The following DCDC1 variants were observed in gnomAD, a reference collection of about 807,000 sequenced individuals.
DCDC1 encodes the protein doublecortin domain containing 1, also known as doublecortin domain-containing protein 1.
Under a neutral mutation model 178.3 loss-of-function variants are expected in DCDC1, and 200 were observed. That is an observed-to-expected ratio of 1.12 (90% CI 1.00 to 1.26). DCDC1 has a LOEUF of 1.26. Among genes scored for constraint, DCDC1 ranks in the 50% most tolerant of loss-of-function variants. DCDC1 has a pLI of 0.00. For missense variants in DCDC1, 1,983 were observed against 1,749.2 expected, an observed-to-expected ratio of 1.13 and a Z score of -2.38; for synonymous variants, 690 against 604.8, an observed-to-expected ratio of 1.14 and a Z score of -2.07.
chr11:30,886,351 A>G (rs1379309326), intron 36 of DCDC1, among the ~76,000 whole-genome samples: 1 of 152,146 alleles, frequency 6.6e-6, no homozygotes, highest in Non-Finnish European at 1.5e-5. Context: ...ATATGGTTTT[A>G]TTTTATTATT....
At chr11:31,070,486 A>T (rs1445654088) in intron 18 of DCDC1, among the ~76,000 whole-genome samples, 2 of 152,144 alleles carry the variant, frequency 1.3e-5, no homozygotes, top group African/African-American at 2.4e-5. Context: ...AACAAAGCCC[A>T]TCTCTAATCA....
At chr11:31,090,303 C>T (rs564298407) in intron 17 of DCDC1, among the ~76,000 whole-genome samples, 1 of 152,294 alleles carries the variant, frequency 6.6e-6, no homozygotes, top group Admixed American at 6.5e-5. Flanking sequence ...AATTGTCTGA[C>T]TGGACTTTAA....
chr11:31,368,360 A>T (rs1479766362), intron 1 of DCDC1, among the ~76,000 whole-genome samples: 2 of 152,242 alleles, frequency 1.3e-5, no homozygotes, highest in African/African-American at 4.8e-5. Context: ...AGGAAGAACC[A>T]AGCTGTGGAC....
At chr11:31,152,624 A>G (rs1177593376) in intron 9 of DCDC1, among the ~76,000 whole-genome samples, 3 of 152,192 alleles carry the variant, frequency 2.0e-5, no homozygotes, top group Non-Finnish European at 2.9e-5. Context: ...AAAACAGTGT[A>G]TTCACAGCTC....
intron 20 of DCDC1, among the ~76,000 whole-genome samples, chr11:31,015,238 G>C (rs925207307): frequency 6.6e-6 from 1 of 152,064 alleles, no homozygotes; most frequent in African/African-American, 2.4e-5. Context: ...TTCAGCCACC[G>C]TGCCAGGCCT....
At chr11:31,174,288 A>G (rs1386322617) in intron 9 of DCDC1, among the ~76,000 whole-genome samples, 1 of 152,132 alleles carries the variant, frequency 6.6e-6, no homozygotes, top group Non-Finnish European at 1.5e-5. Flanking sequence ...CCAATCTCAG[A>G]GCAGAGTTGA....
rs775289294 is a variant in DCDC1, at chr11:30,909,128, G to A, written c.3748-12C>T. 3.1e-6 allele frequency: 5 copies of A among 1,596,352 alleles called. No homozygotes were observed. In the East Asian group the frequency reaches 9.0e-5, roughly 29 times the overall value. On this transcript the variant is annotated splice_polypyrimidine_tract_variant and intron_variant, in intron 28 of 38. Transcript: ENST00000684477. ...TACGGCTTATATTTCTGAAAAAAGAGGCAAAATATGGAGTCAAGTGAGTTC... is the reference window on the plus strand; with the variant it reads ...TACGGCTTATATTTCTGAAAAAAGAAGCAAAATATGGAGTCAAGTGAGTTC...
chr11:31,166,576 T>C (rs924936851), intron 9 of DCDC1, among the ~76,000 whole-genome samples: 2 of 152,160 alleles, frequency 1.3e-5, no homozygotes. Flanking sequence ...GAAAAGATGC[T>C]GATCTAAGTA....
intron 38 of DCDC1, among the ~76,000 whole-genome samples, chr11:30,870,995 C>G (rs150636096): frequency 1.3e-3 from 194 of 152,340 alleles, no homozygotes; most frequent in Non-Finnish European, 2.0e-3. Context: ...TCAGTCTACA[C>G]TGTTCCTTAC....
At chr11:31,214,017 T>C (rs1348836316) in intron 9 of DCDC1, among the ~76,000 whole-genome samples, 1 of 152,160 alleles carries the variant, frequency 6.6e-6, no homozygotes, top group Non-Finnish European at 1.5e-5. Context: ...CATTTTATAA[T>C]TTATAAATTT....
intron 30 of DCDC1, among the ~76,000 whole-genome samples, chr11:30,905,977 A>G (rs1945032706): frequency 6.6e-6 from 1 of 152,188 alleles, no homozygotes; most frequent in Non-Finnish European, 1.5e-5. Flanking sequence ...GTAAGTTCCC[A>G]TAGTTTTTAC....
At chr11:31,297,809 T>C (rs970769777) in intron 6 of DCDC1, among the ~76,000 whole-genome samples, 2 of 152,194 alleles carry the variant, frequency 1.3e-5, no homozygotes, top group Non-Finnish European at 2.9e-5. Flanking sequence ...AAAGCAACCA[T>C]TTGTCTCTTA....
At chr11:31,300,685 G>T (rs1301901367) in intron 6 of DCDC1, among the ~76,000 whole-genome samples, 1 of 152,012 alleles carries the variant, frequency 6.6e-6, no homozygotes, top group African/African-American at 2.4e-5. Flanking sequence ...CACTCTGAAA[G>T]AATAACTATA....
chr11:31,001,829 A>C (rs1388056796), intron 20 of DCDC1, among the ~76,000 whole-genome samples: 1 of 152,196 alleles, frequency 6.6e-6, no homozygotes, highest in East Asian at 1.9e-4. Flanking sequence ...GCTCAGTGTA[A>C]GGTGGTTAGC....
At chr11:30,992,041 T>C (rs936784960) in intron 20 of DCDC1, among the ~76,000 whole-genome samples, 7 of 152,214 alleles carry the variant, frequency 4.6e-5, no homozygotes, top group African/African-American at 1.7e-4. Flanking sequence ...GTACGCTCCC[T>C]GTCTTTCTAA....
At chr11:31,012,436 A>T (rs1441881814) in intron 20 of DCDC1, among the ~76,000 whole-genome samples, 4 of 151,944 alleles carry the variant, frequency 2.6e-5, no homozygotes, top group Non-Finnish European at 5.9e-5. Flanking sequence ...CCTCATCTCT[A>T]CAAAATATAT....
At chr11:30,938,028 C>G (rs180805892) in intron 21 of DCDC1, among the ~76,000 whole-genome samples, 1 of 152,144 alleles carries the variant, frequency 6.6e-6, no homozygotes, top group Admixed American at 6.6e-5. Flanking sequence ...CCTCATTGCA[C>G]CCTTTCCCTG....
intron 9 of DCDC1, among the ~76,000 whole-genome samples, chr11:31,235,313 T>C (rs1976317343): frequency 6.6e-6 from 1 of 151,922 alleles, no homozygotes; most frequent in South Asian, 2.1e-4. Flanking sequence ...AATATATTAA[T>C]GCCAAATTAT....
chr11:30,879,597 T>C (rs1270699999), intron 37 of DCDC1, among the ~76,000 whole-genome samples: 1 of 152,184 alleles, frequency 6.6e-6, no homozygotes, highest in African/African-American at 2.4e-5. Context: ...TAAACTTTCA[T>C]ACGATGGTAA....
Sources: gnomAD v4.1 joint callset for allele counts (sites outside exome capture counted in the v4.1 genomes callset) on GRCh38, gnomAD v4.1.1 for gene constraint, MANE v1.5 for transcripts, NCBI Gene and HGNC (gene_info 2026-07-23, HGNC 2026-07-21) for gene names.